Variants in CSMD1 observed in about 807,000 individuals in gnomAD.
CSMD1 encodes CUB and sushi domain-containing protein 1.
Under a neutral mutation model 417.5 loss-of-function variants are expected in CSMD1, and 213 were observed. That is an observed-to-expected ratio of 0.51 (90% confidence interval 0.46 to 0.57). CSMD1 has a LOEUF of 0.57. Among genes scored for constraint, CSMD1 ranks in the 20% least tolerant of loss-of-function variants. CSMD1 has a pLI of 0.00. For synonymous variants in CSMD1, 2,862 were observed against 1,736.8 expected (o/e 1.65, Z -16.11); for missense variants, 6,923 against 4,529.7 (o/e 1.53, Z -15.17).
intron 12 of CSMD1, among the ~76,000 whole-genome samples, chr8:3,439,078 G>A (rs539045465): frequency 2.0e-4 from 24 of 117,340 alleles, no homozygotes; most frequent in Non-Finnish European, 2.8e-4. Flanking sequence ...AGCCAAGATC[G>A]TGCCACTGCA....
intron 46 of CSMD1, among the ~76,000 whole-genome samples, chr8:3,105,618 C>A (rs778966978): frequency 5.9e-5 from 9 of 152,160 alleles, no homozygotes; most frequent in Non-Finnish European, 8.8e-5. Context: ...TGTATATTGT[C>A]TATACTCTTG....
At chr8:3,578,430 G>C (rs1800243401) in intron 9 of CSMD1, among the ~76,000 whole-genome samples, 1 of 152,146 alleles carries the variant, frequency 6.6e-6, no homozygotes, top group Admixed American at 6.5e-5. Flanking sequence ...AGAATAATGG[G>C]TGTCGAGAAA....
chr8:4,207,912 T>G (rs1800079884), intron 3 of CSMD1, among the ~76,000 whole-genome samples: 1 of 152,082 alleles, frequency 6.6e-6, no homozygotes, highest in South Asian at 2.1e-4. Flanking sequence ...ATAACTATAT[T>G]TATATTAAAT....
intron 25 of CSMD1, among the ~76,000 whole-genome samples, chr8:3,304,113 G>A (rs577269648): frequency 3.1e-4 from 47 of 152,202 alleles, no homozygotes; most frequent in Admixed American, 1.8e-3. Flanking sequence ...AGATCCGGCT[G>A]TTTATTCATT....
chr8:3,394,125 C>T (rs536701389), intron 17 of CSMD1, among the ~76,000 whole-genome samples: 90 of 141,014 alleles, frequency 6.4e-4, no homozygotes, highest in Middle Eastern at 3.9e-3. Flanking sequence ...GAATGCCTTA[C>T]GAAGCCTGCC....
chr8:3,037,681 T>A (rs923559929), intron 50 of CSMD1, among the ~76,000 whole-genome samples: 1 of 152,220 alleles, frequency 6.6e-6, no homozygotes, highest in Non-Finnish European at 1.5e-5. Flanking sequence ...TGTTTTTGGA[T>A]TTTTGCTTTA....
chr8:4,492,498 T>A (rs1801755515), intron 2 of CSMD1, among the ~76,000 whole-genome samples: 1 of 152,208 alleles, frequency 6.6e-6, no homozygotes, highest in Non-Finnish European at 1.5e-5. Flanking sequence ...AAAGTTGATT[T>A]CTTTTAAACC....
chr8:4,645,734 T>C (rs1936648466), intron 1 of CSMD1, among the ~76,000 whole-genome samples: 1 of 152,150 alleles, frequency 6.6e-6, no homozygotes, highest in Non-Finnish European at 1.5e-5. Flanking sequence ...GCCTCCTAAT[T>C]GCAAGAGAAT....
At chr8:4,298,114 C>T (rs1257488972) in intron 3 of CSMD1, among the ~76,000 whole-genome samples, 2 of 152,026 alleles carry the variant, frequency 1.3e-5, no homozygotes, top group African/African-American at 4.8e-5. Context: ...GGAGAACATC[C>T]CAGGGCACTG....
At chr8:3,603,138 G>C (rs78549122) in intron 8 of CSMD1, among the ~76,000 whole-genome samples, 1 of 152,102 alleles carries the variant, frequency 6.6e-6, no homozygotes, top group East Asian at 1.9e-4. Context: ...GTGTCAATGG[G>C]ATATTATTGT....
chr8:4,173,860 T>C (rs1379501700), intron 3 of CSMD1, among the ~76,000 whole-genome samples: 1 of 152,172 alleles, frequency 6.6e-6, no homozygotes, highest in East Asian at 1.9e-4. Flanking sequence ...TTGGGAAGTC[T>C]CTTCTCTCCG....
At chr8:3,149,933 G>T (rs933769147) in intron 40 of CSMD1, among the ~76,000 whole-genome samples, 2 of 152,088 alleles carry the variant, frequency 1.3e-5, no homozygotes, top group Admixed American at 1.3e-4. Context: ...ACAAGGCTCC[G>T]GTCCTTAAGA....
intron 4 of CSMD1, among the ~76,000 whole-genome samples, chr8:4,018,899 CT>C: frequency 6.6e-6 from 1 of 152,116 alleles, no homozygotes; most frequent in Non-Finnish European, 1.5e-5. Context: ...TATATAACTT[CT>C]AGACTTGTCA....
At chr8:4,840,830 T>C (rs527595058) in intron 1 of CSMD1, among the ~76,000 whole-genome samples, 1 of 152,356 alleles carries the variant, frequency 6.6e-6, no homozygotes, top group African/African-American at 2.4e-5. Flanking sequence ...TATAGAATCA[T>C]GAGTAATCAT....
At chr8:4,978,072 G>C (rs1461438671) in intron 1 of CSMD1, among the ~76,000 whole-genome samples, 3 of 152,172 alleles carry the variant, frequency 2.0e-5, no homozygotes, top group Non-Finnish European at 4.4e-5. Flanking sequence ...CTGACTTTGA[G>C]AAGTGTGTAT....
intron 2 of CSMD1, among the ~76,000 whole-genome samples, chr8:4,508,135 T>A (rs1585180207): frequency 7.1e-6 from 1 of 140,134 alleles, no homozygotes. Context: ...AAATTGCAGA[T>A]GTAGGAGGCA....
chr8:4,409,966 A>G (rs1796560123), intron 3 of CSMD1, among the ~76,000 whole-genome samples: 1 of 152,082 alleles, frequency 6.6e-6, no homozygotes, highest in Non-Finnish European at 1.5e-5. Flanking sequence ...GGCACCCGCC[A>G]CTACGCCCAG....
chr8:3,151,372 A>G, intron 40 of CSMD1, 25 bp downstream of exon 40: 1 of 1,455,152 alleles, frequency 6.9e-7, no homozygotes, highest in Non-Finnish European at 9.6e-7. Context: ...ATGAACTTTT[A>G]GGAATTGGTA....
intron 42 of CSMD1, among the ~76,000 whole-genome samples, chr8:3,111,494 A>T (rs970231580): frequency 6.6e-6 from 1 of 152,116 alleles, no homozygotes. Flanking sequence ...TATAAATTCT[A>T]TGAGGTCAGG....
Sources: gnomAD v4.1 joint callset for allele counts (sites outside exome capture counted in the v4.1 genomes callset) on GRCh38, gnomAD v4.1.1 for gene constraint, MANE v1.5 for transcripts, NCBI Gene and HGNC (gene_info 2026-07-23, HGNC 2026-07-21) for gene names.